Variants in PTPRD observed in about 807,000 individuals in gnomAD.
PTPRD encodes receptor-type tyrosine-protein phosphatase delta.
A neutral mutation model predicts 214.5 loss-of-function variants in PTPRD; 34 were observed. That is an observed-to-expected ratio of 0.16 (90% confidence interval 0.12 to 0.21). The LOEUF is 0.21. Ranked by LOEUF, PTPRD falls within the 10% of genes least tolerant of loss-of-function variation. PTPRD has a pLI of 1.00. For missense variants in PTPRD, 2,545 were observed against 2,398.7 expected, an observed-to-expected ratio of 1.06 and a Z score of -1.27; for synonymous variants, 1,128 against 845.7, an observed-to-expected ratio of 1.33 and a Z score of -5.79.
At chr9:10,181,014 T>C (rs925047207) in intron 3 of PTPRD, among the ~76,000 whole-genome samples, 9 of 152,104 alleles carry the variant, frequency 5.9e-5, no homozygotes, top group African/African-American at 2.2e-4. Context: ...AGGATTGTCT[T>C]CTACCACTCC....
chr9:9,550,666 G>T (rs932112787), intron 8 of PTPRD, among the ~76,000 whole-genome samples: 1 of 151,320 alleles, frequency 6.6e-6, no homozygotes. Flanking sequence ...CGCATGAAAA[G>T]AATGTAAAGA....
intron 2 of PTPRD, among the ~76,000 whole-genome samples, chr9:10,517,542 A>G (rs1371906389): frequency 4.6e-5 from 7 of 151,994 alleles, no homozygotes; most frequent in Non-Finnish European, 8.8e-5. Flanking sequence ...TAGTTTTCAG[A>G]TTAGGAGAAG....
At chr9:10,253,109 T>A (rs1432316726) in intron 3 of PTPRD, among the ~76,000 whole-genome samples, 1 of 152,176 alleles carries the variant, frequency 6.6e-6, no homozygotes, top group Non-Finnish European at 1.5e-5. Context: ...TTTTTCTAAA[T>A]GAATAGACCT....
chr9:8,712,996 G>A (rs2098376383), intron 12 of PTPRD, among the ~76,000 whole-genome samples: 1 of 152,182 alleles, frequency 6.6e-6, no homozygotes, highest in South Asian at 2.1e-4. Context: ...TGGGATTATA[G>A]GCGTGAGCCA....
chr9:8,515,920 A>G (rs530740746), intron 21 of PTPRD, among the ~76,000 whole-genome samples: 2 of 152,308 alleles, frequency 1.3e-5, no homozygotes, highest in South Asian at 4.1e-4. Context: ...TATAGACTAG[A>G]AAACTGAAGT....
chr9:10,339,507 G>C (rs2096901597), intron 3 of PTPRD, among the ~76,000 whole-genome samples: 1 of 151,596 alleles, frequency 6.6e-6, no homozygotes. Flanking sequence ...TGAGATTCCA[G>C]GATAATAAAA....
intron 11 of PTPRD, among the ~76,000 whole-genome samples, chr9:8,929,731 GTGTATATATATGTGTA>G (rs2098932173): frequency 8.9e-6 from 1 of 112,810 alleles, no homozygotes; most frequent in Non-Finnish European, 1.7e-5. Context: ...ATATATATAT[GTGTATATATATGTGTA>G]TATATATATG....
chr9:8,841,906 G>A (rs2097565975), intron 11 of PTPRD, among the ~76,000 whole-genome samples: 1 of 151,860 alleles, frequency 6.6e-6, no homozygotes, highest in African/African-American at 2.4e-5. Context: ...AGCTACTCGG[G>A]AGGCTGAGGC....
At chr9:9,605,785 T>C (rs1436216300) in intron 7 of PTPRD, among the ~76,000 whole-genome samples, 2 of 152,058 alleles carry the variant, frequency 1.3e-5, no homozygotes, top group Non-Finnish European at 2.9e-5. Context: ...ATTATTGAGA[T>C]TAATGCTTCT....
intron 2 of PTPRD, among the ~76,000 whole-genome samples, chr9:10,348,845 T>A (rs1052627601): frequency 1.2e-4 from 18 of 152,148 alleles, no homozygotes; most frequent in African/African-American, 3.6e-4. Context: ...CTAAATAAGA[T>A]GGCTACAAAG....
intron 5 of PTPRD, among the ~76,000 whole-genome samples, chr9:9,811,170 C>T (rs949481620): frequency 9.9e-5 from 15 of 152,116 alleles, no homozygotes; most frequent in African/African-American, 3.6e-4. Context: ...TGACATAGTA[C>T]CTCAGCCTGC....
chr9:9,076,222 A>G (rs982226867), intron 10 of PTPRD, among the ~76,000 whole-genome samples: 1 of 151,124 alleles, frequency 6.6e-6, no homozygotes, highest in Non-Finnish European at 1.5e-5. Flanking sequence ...GACTTCATCC[A>G]CTTTTTGATG....
At chr9:9,987,775 A>G (rs536207923) in intron 4 of PTPRD, among the ~76,000 whole-genome samples, 95 of 152,332 alleles carry the variant, frequency 6.2e-4, no homozygotes, top group African/African-American at 2.0e-3. Flanking sequence ...ACCTAGCAGC[A>G]TAGTAATGTA....
intron 3 of PTPRD, among the ~76,000 whole-genome samples, chr9:10,194,171 C>T (rs1166317429): frequency 1.3e-5 from 2 of 152,092 alleles, no homozygotes; most frequent in African/African-American, 4.8e-5. Context: ...GATGCCTCTT[C>T]CCATCGTGCT....
chr9:10,311,009 A>T (rs1039651800), intron 3 of PTPRD, among the ~76,000 whole-genome samples: 3 of 151,996 alleles, frequency 2.0e-5, no homozygotes, highest in Non-Finnish European at 2.9e-5. Flanking sequence ...TGCAAACTTC[A>T]TTTGGCCAGT....
chr9:10,210,823 G>A (rs7022042), intron 3 of PTPRD, among the ~76,000 whole-genome samples: 44,143 of 64,936 alleles, frequency 0.68, 12,818 homozygotes, highest in Non-Finnish European at 0.73. Context: ...ATATATATAT[G>A]TATGTATGTA....
chr9:9,503,475 T>G (rs1288302486), intron 8 of PTPRD, among the ~76,000 whole-genome samples: 1 of 151,536 alleles, frequency 6.6e-6, no homozygotes, highest in Non-Finnish European at 1.5e-5. Flanking sequence ...GGCGCTCAAG[T>G]ATCTGGGCTC....
At chr9:8,406,057 C>G (rs1305537590) in intron 35 of PTPRD, among the ~76,000 whole-genome samples, 1 of 152,100 alleles carries the variant, frequency 6.6e-6, no homozygotes, top group Non-Finnish European at 1.5e-5. Context: ...CTTTCTTAGC[C>G]TGTGTTAATC....
intron 10 of PTPRD, among the ~76,000 whole-genome samples, chr9:9,085,435 G>A (rs1032125373): frequency 1.3e-5 from 2 of 152,096 alleles, no homozygotes; most frequent in African/African-American, 2.4e-5. Flanking sequence ...AGCTTTGACG[G>A]GTACTAATGG....
Sources: allele counts gnomAD v4.1 joint callset (sites outside exome capture counted in the v4.1 genomes callset), GRCh38; gene constraint gnomAD v4.1.1; transcripts MANE v1.5; gene names NCBI Gene and HGNC (gene_info 2026-07-23, HGNC 2026-07-21).